Variants in OR6N1 observed in about 807,000 individuals in gnomAD.
OR6N1 encodes olfactory receptor 6N1.
For missense variants in OR6N1, 394 were observed against 371.7 expected, an observed-to-expected ratio of 1.06 and a Z score of -0.49; for synonymous variants, 170 against 150.7, an observed-to-expected ratio of 1.13 and a Z score of -0.94.
the OR6N1 span, among the ~76,000 whole-genome samples, chr1:158,784,893 A>G: frequency 2.6e-5 from 4 of 152,350 alleles, no homozygotes; most frequent in African/African-American, 9.6e-5. Flanking sequence ...CTATATATCC[A>G]TAATAAATAA....
At chr1:158,831,216 G>A in the OR6N1 span, 2 of 152,298 alleles carry the variant, frequency 1.3e-5, no homozygotes, top group African/African-American at 4.8e-5. Flanking sequence ...TTCTCCTTGT[G>A]ACTGAGATTA....
the OR6N1 span, among the ~76,000 whole-genome samples, chr1:158,810,333 G>A: frequency 1.3e-5 from 2 of 152,098 alleles, no homozygotes; most frequent in African/African-American, 2.4e-5. Context: ...GATGACATTA[G>A]AACTTATAGC....
At chr1:158,823,236 G>T in the OR6N1 span, among the ~76,000 whole-genome samples, 1 of 152,084 alleles carries the variant, frequency 6.6e-6, no homozygotes, top group African/African-American at 2.4e-5. Flanking sequence ...ATGAGTTGGG[G>T]CAGAGTCCTT....
the OR6N1 span, among the ~76,000 whole-genome samples, chr1:158,819,025 G>A: frequency 2.6e-5 from 4 of 152,122 alleles, no homozygotes; most frequent in Non-Finnish European, 5.9e-5. Flanking sequence ...AATTGAGCTG[G>A]GGAAGCTGGG....
chr1:158,776,517 G>A, upstream of OR6N1: 1 of 492,344 alleles, frequency 2.0e-6, no homozygotes, highest in Non-Finnish European at 3.6e-6. Context: ...AAGTGATCGA[G>A]TAAAAAATAG....
chr1:158,820,766 T>C, the OR6N1 span, among the ~76,000 whole-genome samples: 1 of 152,198 alleles, frequency 6.6e-6, no homozygotes, highest in East Asian at 1.9e-4. Flanking sequence ...GAAACTTCCC[T>C]AGAGTCAATT....
the OR6N1 span, among the ~76,000 whole-genome samples, chr1:158,799,922 C>T: frequency 2.0e-5 from 3 of 152,088 alleles, no homozygotes; most frequent in South Asian, 2.1e-4. Context: ...TATCTGCTTT[C>T]CCGCCTACAT....
chr1:158,833,464 G>A, the OR6N1 span, among the ~76,000 whole-genome samples: 500 of 152,248 alleles, frequency 3.3e-3, 2 homozygotes, highest in Non-Finnish European at 6.4e-3. Context: ...AACTCTAACC[G>A]TTAACCAACA....
At chr1:158,788,540 T>G in the OR6N1 span, among the ~76,000 whole-genome samples, 1 of 152,176 alleles carries the variant, frequency 6.6e-6, no homozygotes, top group Admixed American at 6.5e-5. Flanking sequence ...CACATACTTT[T>G]CATTACATAA....
At chr1:158,798,140 C>G in the OR6N1 span, among the ~76,000 whole-genome samples, 6 of 151,886 alleles carry the variant, frequency 4.0e-5, 1 homozygote, top group South Asian at 1.2e-3. Flanking sequence ...TTTTGCCCCT[C>G]TCTCTCCTTT....
At chr1:158,777,978 A>G in the OR6N1 span, among the ~76,000 whole-genome samples, 3 of 152,214 alleles carry the variant, frequency 2.0e-5, no homozygotes, top group Non-Finnish European at 2.9e-5. Context: ...TATAGATACT[A>G]TTTCACAGAA....
At chr1:158,793,616 G>T in the OR6N1 span, among the ~76,000 whole-genome samples, 4 of 152,182 alleles carry the variant, frequency 2.6e-5, no homozygotes, top group South Asian at 2.1e-4. Flanking sequence ...TATGTGCTGG[G>T]TGTGTAAGCA....
upstream of OR6N1, chr1:158,776,645 A>C: frequency 7.9e-7 from 1 of 1,261,284 alleles, no homozygotes; most frequent in Non-Finnish European, 1.1e-6. Flanking sequence ...ACTTTTATGA[A>C]TTGAACATTG....
At chr1:158,804,481 G>A in the OR6N1 span, among the ~76,000 whole-genome samples, 9 of 152,146 alleles carry the variant, frequency 5.9e-5, no homozygotes, top group Non-Finnish European at 1.3e-4. Flanking sequence ...CATTATTTGA[G>A]GAGAAAGGTG....
the OR6N1 span, among the ~76,000 whole-genome samples, chr1:158,833,770 A>G: frequency 3.9e-5 from 6 of 152,190 alleles, no homozygotes; most frequent in Non-Finnish European, 5.9e-5. Context: ...CACTTGTAAT[A>G]CTTTCACATT....
chr1:158,787,635 T>TCTCTCTCTCTCACACA, the OR6N1 span, among the ~76,000 whole-genome samples: 2 of 134,208 alleles, frequency 1.5e-5, no homozygotes, highest in Non-Finnish European at 3.2e-5. Flanking sequence ...TCTCTCTCTC[T>TCTCTCTCTCTCACACA]CACACACACA....
the OR6N1 span, among the ~76,000 whole-genome samples, chr1:158,816,732 C>A: frequency 6.6e-6 from 1 of 152,156 alleles, no homozygotes; most frequent in South Asian, 2.1e-4. Context: ...AATTACATAA[C>A]CAAAAAGTGG....
the OR6N1 span, among the ~76,000 whole-genome samples, chr1:158,802,876 C>T: frequency 6.6e-6 from 1 of 152,018 alleles, no homozygotes; most frequent in African/African-American, 2.4e-5. Context: ...ATATCCATAT[C>T]CTCAATATGT....
At chr1:158,802,885 G>A in the OR6N1 span, among the ~76,000 whole-genome samples, 1 of 151,692 alleles carries the variant, frequency 6.6e-6, no homozygotes, top group Non-Finnish European at 1.5e-5. Context: ...TCCTCAATAT[G>A]TTCATCAACA....
Sources: gnomAD v4.1 joint callset for allele counts (sites outside exome capture counted in the v4.1 genomes callset) on GRCh38, gnomAD v4.1.1 for gene constraint, MANE v1.5 for transcripts, NCBI Gene and HGNC (gene_info 2026-07-23, HGNC 2026-07-21) for gene names.